MYO1D: variants seen among roughly 807,000 people sequenced by gnomAD.
The protein encoded by MYO1D is unconventional myosin-Id.
In MYO1D, 83 loss-of-function variants were observed where a neutral mutation model predicts 122.0. The ratio of observed to expected loss-of-function variants is 0.68; its 90% confidence interval spans 0.57 to 0.82. The LOEUF is 0.82. Among genes scored for constraint, MYO1D ranks in the 40% least tolerant of loss-of-function variants. The pLI is 0.00. For synonymous variants in MYO1D, 464 were observed against 446.9 expected (o/e 1.04, Z -0.48); for missense variants, 1,157 against 1,269.5 (o/e 0.91, Z 1.35).
chr17:32,535,340 G>A (rs143897908), intron 21 of MYO1D, among the ~76,000 whole-genome samples: 71 of 152,306 alleles, frequency 4.7e-4, no homozygotes, highest in Middle Eastern at 3.4e-3. Context: ...TTATGACCTA[G>A]TACATAGCAC....
At chr17:32,735,811 T>C (rs1038768389) in intron 14 of MYO1D, among the ~76,000 whole-genome samples, 1 of 152,200 alleles carries the variant, frequency 6.6e-6, no homozygotes, top group East Asian at 1.9e-4. Flanking sequence ...TCTGTATTAA[T>C]ACTTGCTTTC....
chr17:32,728,427 T>C (rs903962399), intron 14 of MYO1D, among the ~76,000 whole-genome samples: 1 of 152,102 alleles, frequency 6.6e-6, no homozygotes, highest in African/African-American at 2.4e-5. Flanking sequence ...AGGCTGGTCT[T>C]GAACTCCTGA....
chr17:32,723,159 CCCGAG>C (rs1317916044), intron 14 of MYO1D, among the ~76,000 whole-genome samples: 1 of 152,118 alleles, frequency 6.6e-6, no homozygotes, highest in Non-Finnish European at 1.5e-5. Flanking sequence ...TGCGCTTGGA[CCCGAG>C]TTCTGTGAAT....
intron 1 of MYO1D, among the ~76,000 whole-genome samples, chr17:32,808,609 C>A (rs879928845): frequency 1.3e-5 from 2 of 152,138 alleles, no homozygotes; most frequent in Non-Finnish European, 2.9e-5. Context: ...AAATCTAACT[C>A]CTAATGTGAT....
chr17:32,528,455 GTA>G (rs1420955129), intron 21 of MYO1D, among the ~76,000 whole-genome samples: 2 of 152,010 alleles, frequency 1.3e-5, no homozygotes, highest in African/African-American at 2.4e-5. Flanking sequence ...GTGTGTGTGC[GTA>G]TGTGTGTGTG....
chr17:32,601,058 TGGGAC>T (rs2087556854), intron 21 of MYO1D, among the ~76,000 whole-genome samples: 1 of 151,952 alleles, frequency 6.6e-6, no homozygotes, highest in African/African-American at 2.4e-5. Flanking sequence ...CTTAAGTAGC[TGGGAC>T]TACAGACTAC....
At chr17:32,845,601 C>A (rs2466833) in intron 1 of MYO1D, among the ~76,000 whole-genome samples, 152,307 of 152,308 alleles carry the variant, frequency 1, 76,153 homozygotes, top group Non-Finnish European at 1. Context: ...AGGTTCTTGA[C>A]TTGGGGAGTG....
At chr17:32,867,500 A>C (rs929649128) in intron 1 of MYO1D, among the ~76,000 whole-genome samples, 3 of 152,136 alleles carry the variant, frequency 2.0e-5, no homozygotes, top group Non-Finnish European at 2.9e-5. Flanking sequence ...GCACACTGTA[A>C]GAATTCAAGT....
intron 15 of MYO1D, among the ~76,000 whole-genome samples, chr17:32,719,735 C>A (rs1179177726): frequency 6.6e-6 from 1 of 152,184 alleles, no homozygotes; most frequent in African/African-American, 2.4e-5. Context: ...TGCTTAAAAT[C>A]CACCAATGGT....
chr17:32,778,293 C>T (rs1350203988), intron 3 of MYO1D, among the ~76,000 whole-genome samples, 187 bp downstream of exon 3: 1 of 152,070 alleles, frequency 6.6e-6, no homozygotes, highest in East Asian at 1.9e-4. Flanking sequence ...GAAATGGATA[C>T]AGTGAAATAA....
intron 20 of MYO1D, among the ~76,000 whole-genome samples, chr17:32,617,652 G>A (rs1208082825): frequency 2.0e-5 from 3 of 152,226 alleles, no homozygotes; most frequent in South Asian, 2.1e-4. Flanking sequence ...TGTTGGCCAG[G>A]CTGGTCTCGA....
intron 1 of MYO1D, among the ~76,000 whole-genome samples, chr17:32,834,112 C>T (rs758286817): frequency 2.6e-5 from 4 of 152,140 alleles, no homozygotes; most frequent in Non-Finnish European, 4.4e-5. Flanking sequence ...ATATTGTAGG[C>T]GCCCAACAGA....
chr17:32,843,883 G>A (rs2151076031), intron 1 of MYO1D, among the ~76,000 whole-genome samples: 1 of 151,994 alleles, frequency 6.6e-6, no homozygotes, highest in African/African-American at 2.4e-5. Flanking sequence ...TTTTCTATAT[G>A]GCCATCTAGC....
intron 6 of MYO1D, among the ~76,000 whole-genome samples, chr17:32,770,496 TA>T (rs1350534545): frequency 1.3e-5 from 2 of 152,052 alleles, no homozygotes; most frequent in Admixed American, 1.3e-4. Context: ...ATAGTGTAAC[TA>T]TTATCAACAA....
chr17:32,719,874 C>T (rs886647813), intron 15 of MYO1D, among the ~76,000 whole-genome samples: 1 of 152,150 alleles, frequency 6.6e-6, no homozygotes, highest in Non-Finnish European at 1.5e-5. Flanking sequence ...CTGTCAGTGT[C>T]CTCCAACCAC....
intron 1 of MYO1D, among the ~76,000 whole-genome samples, chr17:32,789,838 A>C (rs556744958): frequency 6.6e-6 from 1 of 152,244 alleles, no homozygotes; most frequent in East Asian, 1.9e-4. Flanking sequence ...ATCTCCCTTG[A>C]CGGTTTTGGG....
chr17:32,506,554 G>A (rs1489375071), intron 21 of MYO1D, among the ~76,000 whole-genome samples: 1 of 152,040 alleles, frequency 6.6e-6, no homozygotes. Flanking sequence ...GCAGGAAAGG[G>A]GAACAAAAGT....
chr17:32,841,743 T>C (rs2090884452), intron 1 of MYO1D, among the ~76,000 whole-genome samples: 2 of 151,740 alleles, frequency 1.3e-5, no homozygotes, highest in African/African-American at 4.8e-5. Flanking sequence ...ATTAGCCTAA[T>C]AGAGGAGGAT....
intron 19 of MYO1D, among the ~76,000 whole-genome samples, chr17:32,647,546 A>G (rs568475417): frequency 1.3e-5 from 2 of 152,218 alleles, no homozygotes; most frequent in African/African-American, 2.4e-5. Flanking sequence ...AAACCATCCA[A>G]CTGTCTTTGA....
Sources: allele counts gnomAD v4.1 joint callset (sites outside exome capture counted in the v4.1 genomes callset), GRCh38; gene constraint gnomAD v4.1.1; transcripts MANE v1.5; gene names NCBI Gene and HGNC (gene_info 2026-07-23, HGNC 2026-07-21).